Variants in UBE2O observed in about 807,000 individuals in gnomAD.
UBE2O encodes the protein (E3-independent) E2 ubiquitin-conjugating enzyme.
Under a neutral mutation model 125.8 loss-of-function variants are expected in UBE2O, and 15 were observed. The ratio of observed to expected loss-of-function variants is 0.12; its 90% CI spans 0.08 to 0.18. UBE2O has a LOEUF of 0.18. UBE2O is among the 10% of genes least tolerant of loss of function. UBE2O has a pLI of 1.00. For missense variants in UBE2O, 1,280 were observed against 1,723.6 expected, an observed-to-expected ratio of 0.74 and a Z score of 4.56; for synonymous variants, 708 against 703.2, an observed-to-expected ratio of 1.01 and a Z score of -0.11.
chr17:76,450,082 C>CA (rs59424179), intron 1 of UBE2O, among the ~76,000 whole-genome samples: 36,066 of 140,094 alleles, frequency 0.26, 4,730 homozygotes, highest in East Asian at 0.51. Flanking sequence ...ACCAGTAACT[C>CA]AAAAAAAAAA....
intron 15 of UBE2O, among the ~76,000 whole-genome samples, chr17:76,393,830 C>A (rs1319924222): frequency 6.6e-6 from 1 of 152,168 alleles, no homozygotes; most frequent in Non-Finnish European, 1.5e-5. Context: ...TGGGCGAGGT[C>A]AGTGATGAGC....
intron 1 of UBE2O, among the ~76,000 whole-genome samples, chr17:76,427,777 TGTG>T (rs1262570282): frequency 4.6e-5 from 7 of 152,144 alleles, no homozygotes; most frequent in Non-Finnish European, 8.8e-5. Context: ...CAATCCAGAG[TGTG>T]GGGCAATGAT....
At position 76,395,677 on chromosome 17, in the gene UBE2O, G is replaced by C; in HGVS notation, c.2946+48C>G. 6.4e-7 allele frequency: 1 copy of C among 1,571,104 alleles called. No homozygotes were observed. The highest frequency in any genetic ancestry group is 8.6e-7 in the Non-Finnish European group (1 of 1,159,514). ...CAAGGTTGGTGGCCTCTTGGGCACT[G>C]GGTGCCCACACAGCACATCTGCACC... On this transcript the variant is annotated intron_variant, in intron 15 of 17. Transcript: ENST00000319380. The surrounding 1 kb of genome is among the most constrained non-coding windows in gnomAD (Gnocchi z 5.0).
chr17:76,447,978 G>T (rs1473256212), intron 1 of UBE2O, among the ~76,000 whole-genome samples: 2 of 152,204 alleles, frequency 1.3e-5, no homozygotes, highest in African/African-American at 4.8e-5. Flanking sequence ...TCATATCGGG[G>T]TTAGGAAGAT....
chr17:76,401,968 G>A (rs901550837), intron 5 of UBE2O, 96 bp downstream of exon 5: 34 of 1,268,806 alleles, frequency 2.7e-5, no homozygotes, highest in East Asian at 1.1e-4. Flanking sequence ...CTAGGAAACC[G>A]CTCTGTTTAG....
Position 76,390,836 on chromosome 17 carries a change from T to C in UBE2O, c.*107A>G. On this transcript the variant is annotated 3_prime_UTR_variant, in exon 18 of 18. Coordinates refer to ENST00000319380, the MANE Select transcript of UBE2O (RefSeq NM_022066.4). Reference sequence around the variant, plus strand: ...CCTTGGGGAGAAGAGGGCAGTGGGTTTGCAGTGGGGACAGAGGGGCATGGG... The same window carrying C: ...CCTTGGGGAGAAGAGGGCAGTGGGTCTGCAGTGGGGACAGAGGGGCATGGG... 8.6e-7 allele frequency: 1 copy of C among 1,168,296 alleles called. No individual in the cohort carries two copies. The highest frequency in any genetic ancestry group is 1.2e-6 in the Non-Finnish European group (1 of 832,796). The allele number at this position is 1,168,296 out of a possible 1,614,324, so 72.4% of individuals were successfully genotyped here. A position where few individuals can be genotyped will look rare whatever the true frequency, so the allele number is the denominator to read the frequency against.
chr17:76,438,298 A>C (rs900411457), intron 1 of UBE2O, among the ~76,000 whole-genome samples: 7 of 152,186 alleles, frequency 4.6e-5, no homozygotes, highest in Admixed American at 3.9e-4. Context: ...ACTTAATGGC[A>C]CTGAACTGTT....
intron 5 of UBE2O, 169 bp downstream of exon 5, chr17:76,401,895 A>AAT: frequency 2.5e-6 from 1 of 407,670 alleles, no homozygotes; most frequent in Non-Finnish European, 4.3e-6. Context: ...AAAAAAAAAA[A>AAT]GTTCTAATAC....
chr17:76,411,425 T>C (rs1281928948), intron 1 of UBE2O, among the ~76,000 whole-genome samples: 3 of 152,210 alleles, frequency 2.0e-5, no homozygotes, highest in South Asian at 4.1e-4. Context: ...GCTTTGTGCC[T>C]GGCCACTAGC....
chr17:76,414,029 T>C (rs1267387045), intron 1 of UBE2O, among the ~76,000 whole-genome samples: 2 of 152,274 alleles, frequency 1.3e-5, no homozygotes, highest in South Asian at 2.1e-4. Flanking sequence ...CTCAGAGCAG[T>C]TGACCATCAT....
intron 1 of UBE2O, among the ~76,000 whole-genome samples, chr17:76,425,225 CAAAAAAAAAAAAAA>C (rs58377572): frequency 7.4e-5 from 7 of 95,082 alleles, no homozygotes; most frequent in Non-Finnish European, 7.0e-5. Flanking sequence ...GTCCTTTCGA[CAAAAAAAAAAAAAA>C]AAAAAAAAAA....
Position 76,402,189 on chromosome 17 carries a change from G to A in UBE2O, c.687-62C>T, listed in dbSNP as rs936186761. On this transcript the variant is annotated intron_variant, in intron 4 of 17. Transcript: ENST00000319380. The surrounding 1 kb of genome is among the most constrained non-coding windows in gnomAD (Gnocchi z 5.4). ...GACACAGTGAGTACCAAAAAGTTGC[G>A]ATTCTGAGATGCCAATGCGCCCACA... 1.1e-5 allele frequency: 16 copies of A among 1,510,338 alleles called. No individual in the cohort carries two copies. Among genetic ancestry groups the A allele is most frequent in the Admixed American group, 1.8e-5 (1 of 55,772 alleles). 93.6% of individuals were successfully genotyped at this position (1,510,338 alleles called of 1,614,324 possible). A position where few individuals can be genotyped will look rare whatever the true frequency, so the allele number is the denominator to read the frequency against.
chr17:76,448,231 G>T (rs1371311760), intron 1 of UBE2O, among the ~76,000 whole-genome samples: 1 of 152,222 alleles, frequency 6.6e-6, no homozygotes, highest in Non-Finnish European at 1.5e-5. Flanking sequence ...TAAAATCACA[G>T]AACAGCTGTT....
At chr17:76,413,311 C>T (rs1236473680) in intron 1 of UBE2O, among the ~76,000 whole-genome samples, 1 of 152,104 alleles carries the variant, frequency 6.6e-6, no homozygotes, top group South Asian at 2.1e-4. Context: ...GAAAGTTTAT[C>T]CCAGTGTGGA....
At chr17:76,443,600 T>G (rs71384105) in intron 1 of UBE2O, among the ~76,000 whole-genome samples, 10 of 112,250 alleles carry the variant, frequency 8.9e-5, no homozygotes, top group African/African-American at 2.7e-4. Flanking sequence ...GAACATTTTT[T>G]TTTTTTTTAA....
rs2072397027 is a variant in UBE2O at position 76,405,331 on chromosome 17, A to G, written c.478-15T>C. On this transcript the variant is annotated splice_polypyrimidine_tract_variant and intron_variant, in intron 2 of 17. Coordinates refer to ENST00000319380, the MANE Select transcript of UBE2O (RefSeq NM_022066.4). This position sits in a 1 kb window ranked among gnomAD's most constrained non-coding sequence, Gnocchi z 6.1. ...CACTGACTGTCCTGGGGGAGGGAGG[A>G]GACATGCAAGTCCCGTGGTGCAGCA... is the stretch of plus-strand genomic sequence containing the variant. 6.3e-7 allele frequency: 1 copy of G among 1,597,954 alleles called. No homozygotes were observed. Among genetic ancestry groups the G allele is most frequent in the South Asian group, 1.1e-5 (1 of 90,126 alleles).
chr17:76,410,795 G>A lies in UBE2O; in HGVS notation c.418-5223C>T, dbSNP rs947679413. Among the ~76,000 whole-genome samples the A allele has an allele frequency of 1.3e-5, 2 of 152,072 alleles. No individual in the cohort carries two copies. Among genetic ancestry groups the A allele is most frequent in the Admixed American group, 1.3e-4 (2 of 15,266 alleles). On this transcript the variant is annotated intron_variant, in intron 1 of 17. Coordinates refer to ENST00000319380, the MANE Select transcript of UBE2O (RefSeq NM_022066.4). This position sits in a 1 kb window ranked among gnomAD's most constrained non-coding sequence, Gnocchi z 4.0. ...CCTCCACGGCTGCCTGACTCCCAAG[G>A]CACATGCTGCTTCTCTGAGCTGCAG...
At chr17:76,420,142 A>C (rs2072685590) in intron 1 of UBE2O, among the ~76,000 whole-genome samples, 1 of 152,202 alleles carries the variant, frequency 6.6e-6, no homozygotes, top group African/African-American at 2.4e-5. Context: ...TTGGCTGCTA[A>C]TCAACAGCCA....
At chr17:76,425,320 A>G (rs1389395279) in intron 1 of UBE2O, among the ~76,000 whole-genome samples, 1 of 151,708 alleles carries the variant, frequency 6.6e-6, no homozygotes, top group Non-Finnish European at 1.5e-5. Flanking sequence ...ATTTTTTTAA[A>G]TAATAGTTTA....
Sources: allele counts gnomAD v4.1 joint callset (sites outside exome capture counted in the v4.1 genomes callset), GRCh38; gene constraint gnomAD v4.1.1; non-coding constraint Gnocchi (gnomAD v3.1); transcripts MANE v1.5; gene names NCBI Gene and HGNC (gene_info 2026-07-23, HGNC 2026-07-21).